The following TGM3 variants were observed in gnomAD, a reference collection of about 807,000 sequenced individuals.
The protein encoded by TGM3 is transglutaminase 3.
TGM3 carries 52 observed loss-of-function variants against 73.8 expected under a neutral mutation model. The ratio of observed to expected loss-of-function variants is 0.70; its 90% CI spans 0.56 to 0.89. The LOEUF (loss-of-function observed/expected upper bound fraction) is 0.89. Among genes scored for constraint, TGM3 ranks in the 40% least tolerant of loss-of-function variants. The pLI, the probability that TGM3 is intolerant of heterozygous loss-of-function variation, is 0.00. For synonymous variants in TGM3, 372 were observed against 354.9 expected, an observed-to-expected ratio of 1.05 and a Z score of -0.54; for missense variants, 928 against 909.9, an observed-to-expected ratio of 1.02 and a Z score of -0.26.
At chr20:2,333,477 C>G (rs45481696) in intron 10 of TGM3, among the ~76,000 whole-genome samples, 32 of 152,076 alleles carry the variant, frequency 2.1e-4, no homozygotes, top group African/African-American at 7.2e-4. Context: ...AAACTCTGGG[C>G]TCAAGCAATC....
rs377176599 is a variant in TGM3, at chr20:2,332,399, T to C, written c.1642+89T>C. 4.7e-5 allele frequency: 62 copies of C among 1,312,530 alleles called. No individual in the cohort carries two copies. The highest frequency in any genetic ancestry group is 6.3e-5 in the Non-Finnish European group (62 of 979,180). 81.3% of individuals were successfully genotyped at this position (1,312,530 alleles called of 1,614,324 possible). On this transcript the variant is annotated intron_variant, in intron 10 of 12. Coordinates refer to ENST00000381458, the MANE Select transcript of TGM3 (RefSeq NM_003245.4). The surrounding 1 kb of genome is among the most constrained non-coding windows in gnomAD (Gnocchi z 4.4). ...GCAGGGTGTCTGCTGGGCTCCAGGT[T>C]AGTCAGCTACGAATGGAGCAGCCAG...
intron 7 of TGM3, among the ~76,000 whole-genome samples, chr20:2,323,130 G>T (rs1250245288): frequency 6.6e-6 from 1 of 151,982 alleles, no homozygotes; most frequent in Non-Finnish European, 1.5e-5. Flanking sequence ...GTTCTTTAGT[G>T]GCAATTTGTG....
At chr20:2,310,918 C>T in intron 3 of TGM3, 93 bp from the exon 4 acceptor site, 1 of 1,147,406 alleles carries the variant, frequency 8.7e-7, no homozygotes, top group Non-Finnish European at 1.3e-6. Context: ...GCTCCAACCC[C>T]CAGGCCGGTT....
chr20:2,338,982 C>G (rs904002945), intron 11 of TGM3, among the ~76,000 whole-genome samples: 3 of 152,228 alleles, frequency 2.0e-5, no homozygotes, highest in African/African-American at 7.2e-5. Flanking sequence ...AATAAATAGT[C>G]CAAATTGCTT....
intron 3 of TGM3, 77 bp from the exon 4 acceptor site, chr20:2,310,934 G>T (rs997350710): frequency 3.8e-6 from 5 of 1,327,682 alleles, no homozygotes; most frequent in Non-Finnish European, 5.4e-6. Flanking sequence ...CGGTTCAGGA[G>T]TGGGAGGAGA....
At chr20:2,326,060 A>T in intron 8 of TGM3, 108 bp downstream of exon 8, 1 of 1,103,964 alleles carries the variant, frequency 9.1e-7, no homozygotes, top group Non-Finnish European at 1.3e-6. Context: ...GGAATGCATG[A>T]TGGGATTAAA....
chr20:2,332,401 G>A lies in TGM3; in HGVS notation c.1642+91G>A. On this transcript the variant is annotated intron_variant, in intron 10 of 12. Transcript: ENST00000381458. This position sits in a 1 kb window ranked among gnomAD's most constrained non-coding sequence, Gnocchi z 4.4. The stretch of plus-strand genomic sequence containing the variant: ...AGGGTGTCTGCTGGGCTCCAGGTTA[G>A]TCAGCTACGAATGGAGCAGCCAGCG... The A allele has an allele frequency of 7.7e-7, 1 of 1,299,380 alleles. No homozygotes were observed. The highest frequency in any genetic ancestry group is 1.0e-6 in the Non-Finnish European group (1 of 967,706). 80.5% of individuals were successfully genotyped at this position (1,299,380 alleles called of 1,614,324 possible).
chr20:2,308,879 C>CT (rs11308962), intron 1 of TGM3, among the ~76,000 whole-genome samples: 27,996 of 142,368 alleles, frequency 0.2, 3,267 homozygotes, highest in African/African-American at 0.34. Context: ...CCCTTCAGTT[C>CT]TTTTTTTTTT....
chr20:2,317,048 G>C lies in TGM3; in HGVS notation c.670-20G>C, dbSNP rs376483205. On this transcript the variant is annotated intron_variant, in intron 5 of 12. Transcript: ENST00000381458. ...AAGGCATTAGTGCTGACTCATTTTGGGGGGGTGGTTTCTGCCCAGATCAAT... is the reference window on the plus strand; with the variant it reads ...AAGGCATTAGTGCTGACTCATTTTGCGGGGGTGGTTTCTGCCCAGATCAAT... 44 of 1,611,186 alleles carry C rather than the reference G, an allele frequency of 2.7e-5. No individual in the cohort carries two copies. Among genetic ancestry groups the C allele is most frequent in the African/African-American group, 1.3e-4 (10 of 74,840 alleles).
intron 1 of TGM3, among the ~76,000 whole-genome samples, chr20:2,301,992 T>C (rs979438749): frequency 4.6e-5 from 7 of 152,338 alleles, no homozygotes; most frequent in Non-Finnish European, 7.4e-5. Context: ...TGAGCCACCG[T>C]GCCCAGCCAC....
chr20:2,313,250 C>T (rs2084216458), intron 5 of TGM3, among the ~76,000 whole-genome samples: 1 of 152,212 alleles, frequency 6.6e-6, no homozygotes, highest in African/African-American at 2.4e-5. Context: ...CAGAGCCAGA[C>T]CCAGGTCCAG....
intron 7 of TGM3, among the ~76,000 whole-genome samples, chr20:2,324,083 A>G (rs761088676): frequency 6.6e-6 from 1 of 152,136 alleles, no homozygotes. Context: ...TTGCCTTCAA[A>G]TTGGATAATT....
intron 12 of TGM3, 32 bp downstream of exon 12, chr20:2,340,019 A>T: frequency 1.4e-5 from 2 of 140,036 alleles, no homozygotes; most frequent in Non-Finnish European, 3.1e-5. Context: ...CCGGTGCAGG[A>T]GGGCGGGAGG....
At chr20:2,316,951 A>G (rs2122227395) in intron 5 of TGM3, 117 bp from the exon 6 acceptor site, 2 of 1,223,710 alleles carry the variant, frequency 1.6e-6, no homozygotes, top group Non-Finnish European at 2.3e-6. Context: ...GAAAAGTTCA[A>G]TCATGGCCTT....
In TGM3 at chr20:2,325,859, G is replaced by A. The variant is rs553733247; in HGVS notation, c.994G>A (p.Val332Ile). 2 of 1,563,576 alleles carry A rather than the reference G, an allele frequency of 1.3e-6. No individual in the cohort carries two copies. The highest frequency in any genetic ancestry group is 4.8e-5 in the East Asian group (2 of 42,056). Residue 332 changes from valine (V) to isoleucine (I), a missense_variant, in exon 8 of 13, where the codon GTC becomes ATC. Val to Ile is a conservative substitution (Grantham distance 29). Coordinates refer to ENST00000381458, the MANE Select transcript of TGM3 (RefSeq NM_003245.4). ...KGSDSVWNFHVWNEGWFVRSD... is the reference protein window; with the variant it reads ...KGSDSVWNFHIWNEGWFVRSD... The stretch of plus-strand genomic sequence containing the variant: ...TGGTTCTATCTGCAGGAATTTCCAT[G>A]TCTGGAATGAAGGCTGGTTTGTGAG...
intron 7 of TGM3, among the ~76,000 whole-genome samples, chr20:2,320,324 G>C (rs2084255970): frequency 6.6e-6 from 1 of 152,224 alleles, no homozygotes; most frequent in African/African-American, 2.4e-5. Flanking sequence ...TTGTGTGCCA[G>C]GTACTGTTAT....
In TGM3 at chr20:2,310,336, G is replaced by A; in HGVS notation, c.340G>A (p.Ala114Thr). ...CGCACCCATAGGACGGTACACAATG[G>A]CCCTCCAGATCTTCTCCCAGGGCGG... ...ASAPIGRYTMALQIFSQGGIS... is the reference protein window; with the variant it reads ...ASAPIGRYTMTLQIFSQGGIS... The change falls in exon 3 of 13, where the codon GCC (alanine) becomes ACC (threonine). Residue 114 changes from alanine (A) to threonine (T), a missense_variant. Ala to Thr is a moderately conservative substitution (Grantham distance 58, BLOSUM62 0). Transcript: ENST00000381458. 1 of 1,614,196 alleles carries A rather than the reference G, an allele frequency of 6.2e-7. No homozygotes were observed. The highest frequency in any genetic ancestry group is 1.6e-4 in the Middle Eastern group (1 of 6,062).
At chr20:2,339,525 G>A (rs2084368819) in intron 11 of TGM3, among the ~76,000 whole-genome samples, 1 of 152,180 alleles carries the variant, frequency 6.6e-6, no homozygotes, top group Non-Finnish European at 1.5e-5. Flanking sequence ...AGCCCACAGT[G>A]GGGTTGGGCT....
intron 1 of TGM3, among the ~76,000 whole-genome samples, chr20:2,300,815 C>T (rs2084141932): frequency 6.6e-6 from 1 of 152,176 alleles, no homozygotes; most frequent in African/African-American, 2.4e-5. Context: ...AGCTCAAAGC[C>T]TCTTCTGCTC....
Sources: allele counts gnomAD v4.1 joint callset (sites outside exome capture counted in the v4.1 genomes callset), GRCh38; gene constraint gnomAD v4.1.1; non-coding constraint Gnocchi (gnomAD v3.1); transcripts MANE v1.5; gene names NCBI Gene and HGNC (gene_info 2026-07-23, HGNC 2026-07-21).